Variants in UBAP2 observed in about 807,000 individuals in gnomAD.
UBAP2 encodes the protein ubiquitin associated protein 2, also known as ubiquitin-associated protein 2.
In UBAP2, 75 loss-of-function variants were observed where a neutral mutation model predicts 139.6. That is an observed-to-expected ratio of 0.54 (90% CI 0.45 to 0.65). UBAP2 has a LOEUF of 0.65. Among genes scored for constraint, UBAP2 ranks in the 30% least tolerant of loss-of-function variants. The pLI, the probability that UBAP2 is intolerant of heterozygous loss-of-function variation, is 0.00. For synonymous variants in UBAP2, 526 were observed against 526.2 expected (o/e 1.00, Z 0.01); for missense variants, 1,368 against 1,369.6 (o/e 1.00, Z 0.02).
At chr9:34,045,695 A>C (rs1183225805) in intron 1 of UBAP2, among the ~76,000 whole-genome samples, 1 of 152,196 alleles carries the variant, frequency 6.6e-6, no homozygotes, top group Non-Finnish European at 1.5e-5. Flanking sequence ...TTTAAGGAGC[A>C]TCTTTGAGAA....
At chr9:33,974,496 G>C (rs531965027) in intron 6 of UBAP2, among the ~76,000 whole-genome samples, 6 of 152,178 alleles carry the variant, frequency 3.9e-5, no homozygotes, top group African/African-American at 1.2e-4. Context: ...GACAGAGTGA[G>C]ACCATTTCTC....
chr9:34,034,210 C>T (rs1266552954), intron 1 of UBAP2, among the ~76,000 whole-genome samples: 10 of 152,140 alleles, frequency 6.6e-5, no homozygotes, highest in Admixed American at 3.9e-4. Context: ...ACAGTTACAT[C>T]ATCTCTAGGT....
chr9:34,043,959 C>G (rs980564397), intron 1 of UBAP2, among the ~76,000 whole-genome samples: 15 of 151,070 alleles, frequency 9.9e-5, no homozygotes, highest in Non-Finnish European at 2.2e-4. Flanking sequence ...AAAATCCTGT[C>G]TCTACAAAAA....
At chr9:33,924,521 G>A (rs182580922) in intron 22 of UBAP2, among the ~76,000 whole-genome samples, 108 of 152,370 alleles carry the variant, frequency 7.1e-4, no homozygotes, top group African/African-American at 2.5e-3. Flanking sequence ...AGGCAGAGCT[G>A]CTGGAGACCA....
chr9:33,984,397 T>G (rs117724620), intron 6 of UBAP2, among the ~76,000 whole-genome samples: 6,112 of 152,150 alleles, frequency 0.04, 184 homozygotes, highest in Admixed American at 0.065. Flanking sequence ...GCATAGTAGC[T>G]CACACCTGTA....
intron 6 of UBAP2, among the ~76,000 whole-genome samples, chr9:33,983,450 A>T (rs886142245): frequency 4.6e-5 from 7 of 152,156 alleles, no homozygotes; most frequent in African/African-American, 1.4e-4. Context: ...CCCTGGTAAG[A>T]GGGGAAGAAG....
chr9:34,012,904 A>G (rs1207486637), intron 2 of UBAP2, among the ~76,000 whole-genome samples: 7 of 151,584 alleles, frequency 4.6e-5, no homozygotes, highest in Admixed American at 4.0e-4. Context: ...TAATCCGGGC[A>G]GTTTGGGAAG....
chr9:34,009,524 T>C (rs1163312528), intron 2 of UBAP2, among the ~76,000 whole-genome samples: 1 of 152,150 alleles, frequency 6.6e-6, no homozygotes, highest in Non-Finnish European at 1.5e-5. Context: ...CCTCCCAAAG[T>C]GTTGAGATTA....
chr9:34,030,586 G>T (rs1230968235), intron 1 of UBAP2, among the ~76,000 whole-genome samples: 1 of 151,902 alleles, frequency 6.6e-6, no homozygotes, highest in Non-Finnish European at 1.5e-5. Flanking sequence ...TCACGCCAGT[G>T]CACTCCTAGT....
At chr9:33,970,437 A>AT (rs796983789) in intron 8 of UBAP2, among the ~76,000 whole-genome samples, 62 of 144,070 alleles carry the variant, frequency 4.3e-4, no homozygotes, top group Admixed American at 8.3e-4. Context: ...TGTGTGCATT[A>AT]TTTTTTTTTT....
chr9:34,011,506 GT>G (rs1406426275), intron 2 of UBAP2: 2 of 433,352 alleles, frequency 4.6e-6, no homozygotes, highest in African/African-American at 4.3e-5. Flanking sequence ...AGAACTTTAA[GT>G]ATTTTTTTTA....
chr9:33,981,090 TATATATATTCTGG>T, intron 6 of UBAP2, among the ~76,000 whole-genome samples: 1 of 17,962 alleles, frequency 5.6e-5, no homozygotes, highest in Non-Finnish European at 1.3e-4. Context: ...TATATATATA[TATATATATTCTGG>T]ATATATATAT....
At chr9:33,935,749 C>A in intron 17 of UBAP2, 90 bp downstream of exon 17, 1 of 1,472,852 alleles carries the variant, frequency 6.8e-7, no homozygotes, top group Non-Finnish European at 9.5e-7. Flanking sequence ...AGCCATTGAC[C>A]AACTGGTGTT....
intron 28 of UBAP2, 31 bp downstream of exon 28, chr9:33,922,656 G>T (rs376968021): frequency 6.3e-7 from 1 of 1,583,336 alleles, no homozygotes; most frequent in African/African-American, 1.3e-5. Flanking sequence ...CTGGCCCAGA[G>T]TAGGGTGGCT....
chr9:33,992,647 T>G, intron 4 of UBAP2, among the ~76,000 whole-genome samples: 1 of 51,502 alleles, frequency 1.9e-5, no homozygotes, highest in Non-Finnish European at 4.1e-5. Context: ...CAAAGACAAC[T>G]TATCGGGCGG....
chr9:33,977,455 C>T (rs533263176), intron 6 of UBAP2, among the ~76,000 whole-genome samples: 46 of 152,260 alleles, frequency 3.0e-4, no homozygotes, highest in African/African-American at 1.0e-3. Flanking sequence ...ACATTGGTTT[C>T]TGTGTATATA....
chr9:33,963,631 A>T (rs1827236100), intron 9 of UBAP2, 95 bp downstream of exon 9: 2 of 734,824 alleles, frequency 2.7e-6, no homozygotes, highest in Non-Finnish European at 4.4e-6. Flanking sequence ...TTATCTGATA[A>T]ATTTTTATTA....
chr9:33,936,688 A>T (rs1431644825), intron 16 of UBAP2, among the ~76,000 whole-genome samples: 1 of 152,180 alleles, frequency 6.6e-6, no homozygotes, highest in Non-Finnish European at 1.5e-5. Context: ...AAAGGAGACA[A>T]TACCACTATA....
At chr9:34,006,608 C>CAAGGGAG (rs1001902118) in intron 2 of UBAP2, among the ~76,000 whole-genome samples, 2 of 151,622 alleles carry the variant, frequency 1.3e-5, no homozygotes, top group Admixed American at 6.6e-5. Flanking sequence ...TCCAGGAGGT[C>CAAGGGAG]AAGGGAGAAG....
Sources: allele counts gnomAD v4.1 joint callset (sites outside exome capture counted in the v4.1 genomes callset), GRCh38; gene constraint gnomAD v4.1.1; transcripts MANE v1.5; gene names NCBI Gene and HGNC (gene_info 2026-07-23, HGNC 2026-07-21).